FBXO44: variants seen among roughly 807,000 people sequenced by gnomAD.
The protein encoded by FBXO44 is F-box protein 44, also known as F-box only protein 44.
In FBXO44, 25 loss-of-function variants were observed where a neutral mutation model predicts 33.5. That is an observed-to-expected ratio of 0.75 (90% CI 0.54 to 1.04). The LOEUF (loss-of-function observed/expected upper bound fraction) is 1.04, where lower values mean the gene tolerates loss of function less well. Ranked by LOEUF, FBXO44 falls within the 50% of genes least tolerant of loss-of-function variation. FBXO44 has a pLI of 0.00. For synonymous variants in FBXO44, 147 were observed against 152.8 expected (o/e 0.96, Z 0.28); for missense variants, 311 against 344.0 (o/e 0.90, Z 0.76).
chr1:11,656,761 C>A (rs372331898), intron 2 of FBXO44, among the ~76,000 whole-genome samples: 1 of 152,342 alleles, frequency 6.6e-6, no homozygotes, highest in East Asian at 1.9e-4. Flanking sequence ...CCGCGCCCGG[C>A]CTCTTATTCT....
Position 11,661,168 on chromosome 1 carries a change from C to T in FBXO44, c.663C>T (p.Arg221=), listed in dbSNP as rs1038604296. ...TCTCCAACTACCCGCCCGGCGTCCG[C>T]TACATCTGGTTTCAGCACGGCGGCG... is the stretch of plus-strand genomic sequence containing the variant. The part of the protein sequence containing the change: ...HTFSNYPPGV[R]YIWFQHGGVD... Residue 221 remains arginine (R), a synonymous_variant, in exon 6 of 6, where the codon CGC becomes CGT. Coordinates refer to ENST00000251547, the MANE Select transcript of FBXO44 (RefSeq NM_033182.7). The surrounding 1 kb of genome is among the most constrained non-coding windows in gnomAD (Gnocchi z 4.4). 3 of 1,613,916 alleles carry T rather than the reference C, an allele frequency of 1.9e-6. No individual in the cohort carries two copies. The highest frequency in any genetic ancestry group is 2.5e-6 in the Non-Finnish European group (3 of 1,179,928).
upstream of FBXO44, chr1:11,654,407 G>A: frequency 7.6e-7 from 1 of 1,323,178 alleles, no homozygotes; most frequent in Non-Finnish European, 9.7e-7. Flanking sequence ...CCGGGGCGGC[G>A]AGTCCCGGCG....
chr1:11,658,518 T>C lies in FBXO44; in HGVS notation c.393-15T>C. The stretch of plus-strand genomic sequence containing the variant: ...TGGTGAGCCCAGCCCCTCCCACCCC[T>C]CTGCCTGCCCCCAGCACCTGCCTCA... On this transcript the variant is annotated splice_polypyrimidine_tract_variant and intron_variant, in intron 3 of 5. Coordinates refer to ENST00000251547, the MANE Select transcript of FBXO44 (RefSeq NM_033182.7). 6.3e-7 allele frequency: 1 copy of C among 1,593,340 alleles called. No homozygotes were observed. The highest frequency in any genetic ancestry group is 1.4e-5 in the African/African-American group (1 of 74,046).
chr1:11,656,115 G>A lies in FBXO44; in HGVS notation c.265+15G>A, dbSNP rs1191340596. The A allele has an allele frequency of 4.3e-6, 7 of 1,611,426 alleles. No homozygotes were observed. In the East Asian group the frequency reaches 6.7e-5, roughly 15 times the overall value. On this transcript the variant is annotated intron_variant, in intron 2 of 5. Coordinates refer to ENST00000251547, the MANE Select transcript of FBXO44 (RefSeq NM_033182.7). The stretch of plus-strand genomic sequence containing the variant: ...GTGCGCTGAAGGTGGGGTACAGGCC[G>A]GGTCTGGCATGCCTCCAGTACACAG...
At chr1:11,659,545 A>G (rs1640049738) in intron 5 of FBXO44, among the ~76,000 whole-genome samples, 1 of 152,156 alleles carries the variant, frequency 6.6e-6, no homozygotes, top group African/African-American at 2.4e-5. Context: ...GGTCTCTGTC[A>G]CCCAGGCTGG....
intron 2 of FBXO44, among the ~76,000 whole-genome samples, chr1:11,657,830 G>A (rs1639908418): frequency 6.6e-6 from 1 of 152,160 alleles, no homozygotes; most frequent in South Asian, 2.1e-4. Context: ...GAGATAGTAT[G>A]TGGGCCACAA....
At chr1:11,660,106 G>A (rs1570250296) in intron 5 of FBXO44, among the ~76,000 whole-genome samples, 2 of 152,210 alleles carry the variant, frequency 1.3e-5, no homozygotes, top group Admixed American at 6.5e-5. Flanking sequence ...CAGTTAGTAA[G>A]AGCCAGTTCC....
intron 2 of FBXO44, among the ~76,000 whole-genome samples, chr1:11,656,311 C>CTTT (rs34347559): frequency 1.0e-3 from 98 of 93,850 alleles, no homozygotes; most frequent in Non-Finnish European, 1.4e-3. Flanking sequence ...TTACTATACT[C>CTTT]TTTTTTTTTT....
intron 2 of FBXO44, among the ~76,000 whole-genome samples, chr1:11,656,741 G>A (rs936884717): frequency 2.0e-5 from 3 of 152,204 alleles, no homozygotes; most frequent in Admixed American, 6.5e-5. Flanking sequence ...GGGATTACAC[G>A]CATGAGCCAC....
At chr1:11,658,234 T>G (rs1244668023) in intron 2 of FBXO44, 33 bp from the exon 3 acceptor site, 2 of 1,610,782 alleles carry the variant, frequency 1.2e-6, no homozygotes, top group Non-Finnish European at 1.7e-6. Context: ...ACTGAGGGGC[T>G]TCCCTTCAGT....
chr1:11,654,565 C>G (rs919630072), upstream of FBXO44: 35 of 386,028 alleles, frequency 9.1e-5, no homozygotes, highest in Non-Finnish European at 1.0e-4. Context: ...CTCAGCGGAC[C>G]GAGGAGGCTG....
At chr1:11,654,477 G>T (rs902322803), upstream of FBXO44, 5 of 810,814 alleles carry the variant, frequency 6.2e-6, no homozygotes, top group Non-Finnish European at 8.3e-6. Context: ...GACCCGACCC[G>T]CCCCGCCCCG....
chr1:11,658,642 G>A lies in FBXO44; in HGVS notation c.488+14G>A. On this transcript the variant is annotated intron_variant, in intron 4 of 5. Coordinates refer to ENST00000251547, the MANE Select transcript of FBXO44 (RefSeq NM_033182.7). ...GGTCAAGGACTGGTGAGTGCCTGGG[G>A]CGAGGGTCTGGGGTGGGGCATGCCA... The A allele has an allele frequency of 1.2e-6, 2 of 1,612,950 alleles. No individual in the cohort carries two copies. Among genetic ancestry groups the A allele is most frequent in the Non-Finnish European group, 1.7e-6 (2 of 1,179,794 alleles).
At chr1:11,658,654 G>A in intron 4 of FBXO44, 26 bp downstream of exon 4, 2 of 1,608,410 alleles carry the variant, frequency 1.2e-6, no homozygotes, top group Non-Finnish European at 1.7e-6. Flanking sequence ...GAGGGTCTGG[G>A]GTGGGGCATG....
upstream of FBXO44, chr1:11,654,476 C>T (rs1639628786): frequency 1.3e-5 from 11 of 816,480 alleles, no homozygotes; most frequent in African/African-American, 1.8e-5. Flanking sequence ...CGACCCGACC[C>T]GCCCCGCCCC....
At position 11,662,108 on chromosome 1, in the gene FBXO44, C is replaced by G. The variant is rs1403448800; in HGVS notation, c.*835C>G. The G allele has an allele frequency of 6.6e-6, 1 of 151,970 alleles. No individual in the cohort carries two copies. Among genetic ancestry groups the G allele is most frequent in the African/African-American group, 2.4e-5 (1 of 41,322 alleles). The allele number at this position is 151,970 out of a possible 1,614,324, so 9.4% of individuals were successfully genotyped here. A position where few individuals can be genotyped will look rare whatever the true frequency, so the allele number is the denominator to read the frequency against. On this transcript the variant is annotated 3_prime_UTR_variant, in exon 6 of 6. Transcript: ENST00000251547. ...CCTGTCCACCTCCCAAATCCAGGCC[C>G]GGCCCCCTCTGGCTTGGAGAGCATT... is the stretch of plus-strand genomic sequence containing the variant.
intron 2 of FBXO44, 143 bp downstream of exon 2, chr1:11,656,243 G>C (rs1639786384): frequency 2.7e-6 from 3 of 1,098,316 alleles, no homozygotes; most frequent in Non-Finnish European, 3.8e-6. Context: ...GGTAGCTACT[G>C]TTAGTGCACA....
In FBXO44 at chr1:11,655,895, C is replaced by CGTT. The variant is rs1639750067; in HGVS notation, c.62_63insTGT (p.Val21dup). The stretch of plus-strand genomic sequence containing the variant: ...ACATCCTGCTGGAGCTGTTCACGCA[C>CGTT]GTGCCCGCCCGCCAGCTGCTGCTGA... On this transcript the variant is annotated inframe_insertion, in exon 2 of 6. Coordinates refer to ENST00000251547, the MANE Select transcript of FBXO44 (RefSeq NM_033182.7). 1 of 1,613,830 alleles carries CGTT rather than the reference C, an allele frequency of 6.2e-7. No homozygotes were observed. The highest frequency in any genetic ancestry group is 8.5e-7 in the Non-Finnish European group (1 of 1,180,040).
chr1:11,658,014 G>A (rs536069294), intron 2 of FBXO44, among the ~76,000 whole-genome samples: 12 of 152,246 alleles, frequency 7.9e-5, no homozygotes, highest in African/African-American at 2.2e-4. Context: ...ACATCAGAGC[G>A]TTCTCCATCA....
Sources: gnomAD v4.1 joint callset for allele counts (sites outside exome capture counted in the v4.1 genomes callset) on GRCh38, gnomAD v4.1.1 for gene constraint, Gnocchi (gnomAD v3.1) non-coding constraint, MANE v1.5 for transcripts, NCBI Gene and HGNC (gene_info 2026-07-23, HGNC 2026-07-21) for gene names.